The following RUVBL1 variants were observed in gnomAD, a reference collection of about 807,000 sequenced individuals.
RUVBL1 encodes the protein RuvB like AAA ATPase 1, also known as ruvB-like 1.
Under a neutral mutation model 52.4 loss-of-function variants are expected in RUVBL1, and 4 were observed. That is an observed-to-expected ratio of 0.08 (90% CI 0.04 to 0.17). The LOEUF is 0.17. Ranked by LOEUF, RUVBL1 falls within the 10% of genes least tolerant of loss-of-function variation. The pLI is 1.00. For synonymous variants in RUVBL1, 217 were observed against 214.4 expected (o/e 1.01, Z -0.10); for missense variants, 298 against 572.8 (o/e 0.52, Z 4.90).
intron 8 of RUVBL1, among the ~76,000 whole-genome samples, chr3:128,095,369 G>T (rs1942945124): frequency 6.6e-6 from 1 of 152,252 alleles, no homozygotes; most frequent in African/African-American, 2.4e-5. Flanking sequence ...GCACTGTCAG[G>T]CTTCAGCCTG....
downstream of RUVBL1, among the ~76,000 whole-genome samples, chr3:128,078,168 A>G (rs781749424): frequency 1.3e-5 from 2 of 152,220 alleles, no homozygotes; most frequent in Non-Finnish European, 2.9e-5. Flanking sequence ...TCTGAGGGAT[A>G]GAGGTCGACT....
chr3:128,124,975 A>G (rs1196418802), upstream of RUVBL1, among the ~76,000 whole-genome samples: 1 of 146,488 alleles, frequency 6.8e-6, no homozygotes, highest in African/African-American at 2.5e-5. Flanking sequence ...AATCAAATCC[A>G]ATTACAGTAG....
At chr3:128,130,214 A>G (rs1161278588) in intron 1 of RUVBL1, among the ~76,000 whole-genome samples, 1 of 150,644 alleles carries the variant, frequency 6.6e-6, no homozygotes. Flanking sequence ...CAGGAACATT[A>G]CTATTTACTA....
intron 1 of RUVBL1, among the ~76,000 whole-genome samples, chr3:128,150,928 AAT>A (rs1256112703): frequency 1.1e-3 from 72 of 67,156 alleles, no homozygotes; most frequent in Non-Finnish European, 1.4e-3. Flanking sequence ...TTATATATAT[AAT>A]ATATTCTATA....
intron 1 of RUVBL1, among the ~76,000 whole-genome samples, chr3:128,121,435 G>A (rs1215179862): frequency 6.6e-6 from 1 of 151,264 alleles, no homozygotes; most frequent in Non-Finnish European, 1.5e-5. Context: ...ACCTAGCCAG[G>A]CGCGTTGGCT....
chr3:128,118,616 C>T (rs1279417659), intron 2 of RUVBL1, among the ~76,000 whole-genome samples: 1 of 152,158 alleles, frequency 6.6e-6, no homozygotes, highest in Non-Finnish European at 1.5e-5. Flanking sequence ...CCAGTCCCCT[C>T]ACGAATCCCA....
In RUVBL1 at chr3:128,114,678, T is replaced by C. The variant is rs1213645607; in HGVS notation, c.229-1658A>G. On this transcript the variant is annotated intron_variant, in intron 2 of 10. Coordinates refer to ENST00000322623, the MANE Select transcript of RUVBL1 (RefSeq NM_003707.3). Reference sequence around the variant, plus strand: ...CCCTCATCCCCGTTGCCTGCCTCATTAGGCATCTGCACTTGTGAGCTCAAG... The same window carrying C: ...CCCTCATCCCCGTTGCCTGCCTCATCAGGCATCTGCACTTGTGAGCTCAAG... Among the ~76,000 whole-genome samples the C allele has an allele frequency of 2.6e-5, 4 of 152,148 alleles. No homozygotes were observed. The East Asian group carries it at 7.7e-4, about 29-fold the overall frequency.
At chr3:128,127,537 C>CTTTCT (rs144987575), upstream of RUVBL1, among the ~76,000 whole-genome samples, 21,513 of 152,148 alleles carry the variant, frequency 0.14, 1,729 homozygotes, top group African/African-American at 0.21. Context: ...ACTTCTATCA[C>CTTTCT]ACCTGAACTT....
chr3:128,100,572 T>C, intron 6 of RUVBL1, 23 bp downstream of exon 6: 1 of 1,572,046 alleles, frequency 6.4e-7, no homozygotes, highest in Non-Finnish European at 8.6e-7. Flanking sequence ...ATGTGCCAGA[T>C]CACCCAGGCA....
chr3:128,072,865 T>C (rs7612065), intron 9 of RUVBL1, among the ~76,000 whole-genome samples: 130,875 of 152,136 alleles, frequency 0.86, 56,485 homozygotes, highest in African/African-American at 0.92. Flanking sequence ...CAGGCCCTGG[T>C]GTCTCTCCAC....
At chr3:128,098,459 G>C (rs1331966180) in intron 7 of RUVBL1, among the ~76,000 whole-genome samples, 1 of 152,186 alleles carries the variant, frequency 6.6e-6, no homozygotes, top group Non-Finnish European at 1.5e-5. Flanking sequence ...GTTAAATAAA[G>C]GTTCACAGGG....
chr3:128,066,003 A>G (rs1178731994), intron 9 of RUVBL1, among the ~76,000 whole-genome samples: 5 of 152,080 alleles, frequency 3.3e-5, no homozygotes, highest in South Asian at 4.2e-4. Flanking sequence ...CCACATTACA[A>G]AGCGCTGGGA....
At chr3:128,120,960 G>A (rs578255742) in intron 1 of RUVBL1, among the ~76,000 whole-genome samples, 9 of 147,594 alleles carry the variant, frequency 6.1e-5, no homozygotes, top group South Asian at 2.2e-4. Flanking sequence ...CAGCCTGGGC[G>A]ACAGAGCGAG....
intron 1 of RUVBL1, chr3:128,153,114 C>A: frequency 1.7e-6 from 1 of 601,940 alleles, no homozygotes; most frequent in Non-Finnish European, 2.2e-6. Context: ...TGTTACAGAG[C>A]ACTGATTGGT....
At chr3:128,152,904 G>GTCCCCCGCCCTCC (rs1559843198) in intron 1 of RUVBL1, among the ~76,000 whole-genome samples, 1 of 6,240 alleles carries the variant, frequency 1.6e-4, no homozygotes, top group African/African-American at 7.5e-4. Flanking sequence ...ACGTCCCCCC[G>GTCCCCCGCCCTCC]CCCTCCCCCG....
rs557183533 is a variant in RUVBL1 at position 128,081,502 on chromosome 3, G to A, written c.1212-93C>T. The A allele has an allele frequency of 2.3e-5, 30 of 1,329,646 alleles. No homozygotes were observed. The South Asian group carries it at 3.7e-4, about 17-fold the overall frequency. The allele number at this position is 1,329,646 out of a possible 1,614,324, so 82.4% of individuals were successfully genotyped here. A position where few individuals can be genotyped will look rare whatever the true frequency, so the allele number is the denominator to read the frequency against. On this transcript the variant is annotated intron_variant, in intron 10 of 10. Transcript: ENST00000322623. This position sits in a 1 kb window ranked among gnomAD's most constrained non-coding sequence, Gnocchi z 4.8. ...TCAGTAGGCAGCACTGGCACCAGGA[G>A]CAGAGCCCAGTGCTGGGCTTGTGCC...
chr3:128,099,904 A>G (rs1943074004), intron 6 of RUVBL1, among the ~76,000 whole-genome samples: 1 of 152,118 alleles, frequency 6.6e-6, no homozygotes, highest in African/African-American at 2.4e-5. Context: ...CACTCTTCTC[A>G]GGTCAAGGGC....
intron 9 of RUVBL1, chr3:128,084,592 GCTCTCT>G (rs759489620): frequency 4.0e-5 from 6 of 151,786 alleles, no homozygotes; most frequent in African/African-American, 1.2e-4. Flanking sequence ...GGGACACTCT[GCTCTCT>G]CTCTCTCACT....
rs1358449504 is a variant in RUVBL1, at chr3:128,082,600, A to C, written c.1120-26T>G. On this transcript the variant is annotated intron_variant, in intron 9 of 10. Coordinates refer to ENST00000322623, the MANE Select transcript of RUVBL1 (RefSeq NM_003707.3). The surrounding 1 kb of genome is among the most constrained non-coding windows in gnomAD (Gnocchi z 4.7). ...CTTTTAAAGGATAAAAAACATGATC[A>C]ACGGTGACTGACCTCAAGTGCCCCA... The C allele has an allele frequency of 1.3e-6, 2 of 1,561,648 alleles. No individual in the cohort carries two copies. Among genetic ancestry groups the C allele is most frequent in the East Asian group, 4.5e-5 (2 of 44,596 alleles).
Sources: allele counts gnomAD v4.1 joint callset (sites outside exome capture counted in the v4.1 genomes callset), GRCh38; gene constraint gnomAD v4.1.1; non-coding constraint Gnocchi (gnomAD v3.1); transcripts MANE v1.5; gene names NCBI Gene and HGNC (gene_info 2026-07-23, HGNC 2026-07-21).